ERC1: variants seen among roughly 807,000 people sequenced by gnomAD.
ERC1 encodes the protein ELKS/RAB6-interacting/CAST family member 1.
A neutral mutation model predicts 132.0 loss-of-function variants in ERC1; 56 were observed. The ratio of observed to expected loss-of-function variants is 0.42; its 90% CI spans 0.34 to 0.53. The LOEUF is 0.53. Among genes scored for constraint, ERC1 ranks in the 20% least tolerant of loss-of-function variants. The pLI is 0.03. For missense variants in ERC1, 1,202 were observed against 1,349.9 expected (o/e 0.89, Z 1.72); for synonymous variants, 478 against 476.1 (o/e 1.00, Z -0.05).
chr12:1,192,214 G>GTGGTTATATTTAGTAT (rs1340570565), intron 12 of ERC1, among the ~76,000 whole-genome samples: 1 of 152,216 alleles, frequency 6.6e-6, no homozygotes, highest in Non-Finnish European at 1.5e-5. Flanking sequence ...TTAAGTAGAA[G>GTGGTTATATTTAGTAT]TGGTTATATT....
At position 1,371,920 on chromosome 12, in the gene ERC1, G is replaced by T. The variant is rs772284808; in HGVS notation, c.2868G>T (p.Glu956Asp). Reference protein sequence around the residue: ...ELSSSKKKTQEEVAALKREKD... With the variant: ...ELSSSKKKTQDEVAALKREKD... ...CGTCCTCTAAGAAGAAGACCCAAGA[G>T]GAAGTGGCTGCCCTGAAGCGGGAGA... is the stretch of plus-strand genomic sequence containing the variant. The change falls in exon 16 of 19, where the codon GAG becomes GAT. Residue 956 changes from glutamate (E) to aspartate (D), a missense_variant. Transcript: ENST00000360905. 2 of 1,614,124 alleles carry T rather than the reference G, an allele frequency of 1.2e-6. No individual in the cohort carries two copies. Among genetic ancestry groups the T allele is most frequent in the Non-Finnish European group, 8.5e-7 (1 of 1,180,036 alleles).
chr12:1,382,970 A>G lies in ERC1; in HGVS notation c.2925+10993A>G, dbSNP rs537676832. On this transcript the variant is annotated intron_variant, in intron 16 of 18. Transcript: ENST00000360905. ...AGGCTGGGAATGTGGGGAAACCTGGACTCATCCCAGGCTCCTTTCATCCAT... is the reference window on the plus strand; with the variant it reads ...AGGCTGGGAATGTGGGGAAACCTGGGCTCATCCCAGGCTCCTTTCATCCAT... Among the ~76,000 whole-genome samples, 3 of 152,168 alleles carry G rather than the reference A, an allele frequency of 2.0e-5. No individual in the cohort carries two copies. In the South Asian group the frequency reaches 6.2e-4, roughly 32 times the overall value.
intron 18 of ERC1, among the ~76,000 whole-genome samples, chr12:1,485,903 G>T (rs1228708762): frequency 6.6e-6 from 1 of 152,170 alleles, no homozygotes. Flanking sequence ...TACTTTCAGT[G>T]TTTTCACAGC....
intron 16 of ERC1, among the ~76,000 whole-genome samples, chr12:1,377,882 G>A (rs918878082): frequency 2.6e-5 from 4 of 152,108 alleles, no homozygotes; most frequent in African/African-American, 9.7e-5. Flanking sequence ...CTTTTTGAAG[G>A]TTCAGTAAAC....
intron 8 of ERC1, among the ~76,000 whole-genome samples, chr12:1,170,745 C>G (rs1267226773): frequency 2.6e-5 from 4 of 152,186 alleles, no homozygotes; most frequent in Admixed American, 1.3e-4. Context: ...ATGCGAGAGG[C>G]CCCTAGTTCC....
At chr12:1,052,698 G>A (rs530653701) in intron 2 of ERC1, among the ~76,000 whole-genome samples, 63 of 152,218 alleles carry the variant, frequency 4.1e-4, no homozygotes, top group East Asian at 7.7e-4. Context: ...GGACAGGCGC[G>A]GTGGCTCATG....
intron 1 of ERC1, among the ~76,000 whole-genome samples, chr12:1,005,636 T>C (rs2154134955): frequency 6.6e-6 from 1 of 152,310 alleles, no homozygotes; most frequent in Middle Eastern, 3.4e-3. Flanking sequence ...TTCTGAATAA[T>C]GTGATTGTTT....
chr12:1,161,478 G>A (rs1267740676), intron 8 of ERC1, among the ~76,000 whole-genome samples: 2 of 152,134 alleles, frequency 1.3e-5, no homozygotes, highest in African/African-American at 4.8e-5. Context: ...TGCCGTTTCT[G>A]TCTCATTACG....
chr12:1,269,406 T>C (rs755569260), intron 14 of ERC1, among the ~76,000 whole-genome samples: 16 of 152,096 alleles, frequency 1.1e-4, no homozygotes, highest in Non-Finnish European at 2.1e-4. Flanking sequence ...GCAATCATAA[T>C]GGTAATAAGG....
chr12:1,390,055 G>A (rs181282118), intron 16 of ERC1, among the ~76,000 whole-genome samples: 309 of 152,280 alleles, frequency 2.0e-3, no homozygotes, highest in African/African-American at 7.0e-3. Flanking sequence ...TAGCGGGGCT[G>A]TGTGTGTCTG....
At chr12:1,150,812 A>G (rs1233106408) in intron 8 of ERC1, among the ~76,000 whole-genome samples, 5 of 152,160 alleles carry the variant, frequency 3.3e-5, no homozygotes, top group African/African-American at 9.7e-5. Context: ...AAAGTCCAAG[A>G]AACTGTCACA....
intron 15 of ERC1, among the ~76,000 whole-genome samples, chr12:1,347,007 A>G (rs1300594128): frequency 6.6e-6 from 1 of 151,104 alleles, no homozygotes; most frequent in African/African-American, 2.4e-5. Context: ...GTTTGTTTTG[A>G]TCCTTTGAGG....
intron 14 of ERC1, among the ~76,000 whole-genome samples, chr12:1,267,687 A>G (rs1019348271): frequency 1.3e-5 from 2 of 152,174 alleles, no homozygotes; most frequent in African/African-American, 4.8e-5. Flanking sequence ...ACCTGAGCCT[A>G]GGAGTTTGAG....
intron 18 of ERC1, among the ~76,000 whole-genome samples, chr12:1,476,530 T>C (rs1234685100): frequency 2.6e-5 from 4 of 152,228 alleles, no homozygotes; most frequent in Non-Finnish European, 2.9e-5. Context: ...TATTTTTTAA[T>C]GTTTTACCCC....
At chr12:1,033,454 A>C (rs1222519171) in intron 2 of ERC1, among the ~76,000 whole-genome samples, 1 of 149,676 alleles carries the variant, frequency 6.7e-6, no homozygotes, top group Non-Finnish European at 1.5e-5. Context: ...CACAGTCATG[A>C]GCCACCGCAC....
intron 7 of ERC1, among the ~76,000 whole-genome samples, chr12:1,121,931 GTCTCTATCTATCTCTA>G (rs200629012): frequency 0.012 from 13 of 1,090 alleles, 1 homozygote; most frequent in South Asian, 0.17. Context: ...CTCTATCTGT[GTCTCTATCTATCTCTA>G]TCTCTATCTC....
chr12:1,166,435 G>A (rs1952436962), intron 8 of ERC1, among the ~76,000 whole-genome samples: 1 of 152,078 alleles, frequency 6.6e-6, no homozygotes, highest in African/African-American at 2.4e-5. Context: ...TTTCTTCCCA[G>A]TCTCAGATAT....
At chr12:1,466,727 A>G (rs917895774) in intron 18 of ERC1, among the ~76,000 whole-genome samples, 5 of 152,194 alleles carry the variant, frequency 3.3e-5, no homozygotes, top group Non-Finnish European at 7.3e-5. Flanking sequence ...TCAATAAAGA[A>G]TGCTGTAAGA....
intron 6 of ERC1, among the ~76,000 whole-genome samples, chr12:1,115,268 A>C (rs553810991): frequency 1.3e-5 from 2 of 152,334 alleles, no homozygotes; most frequent in South Asian, 4.1e-4. Context: ...ATCAATACAC[A>C]TAACATCAAA....
Sources: allele counts gnomAD v4.1 joint callset (sites outside exome capture counted in the v4.1 genomes callset), GRCh38; gene constraint gnomAD v4.1.1; transcripts MANE v1.5; gene names NCBI Gene and HGNC (gene_info 2026-07-23, HGNC 2026-07-21).